The following STAG1 variants were observed in gnomAD, a reference collection of about 807,000 sequenced individuals.
STAG1 encodes the protein cohesin subunit SA-1.
Under a neutral mutation model 170.9 loss-of-function variants are expected in STAG1, and 26 were observed. That is an observed-to-expected ratio of 0.15 (90% CI 0.11 to 0.21). The LOEUF (loss-of-function observed/expected upper bound fraction) is 0.21, where lower values mean the gene tolerates loss of function less well. STAG1 is among the 10% of genes least tolerant of loss of function. The pLI is 1.00. For synonymous variants in STAG1, 514 were observed against 497.7 expected, an observed-to-expected ratio of 1.03 and a Z score of -0.44; for missense variants, 964 against 1,509.5, an observed-to-expected ratio of 0.64 and a Z score of 5.99.
intron 16 of STAG1, among the ~76,000 whole-genome samples, chr3:136,427,422 A>G (rs1020488478): frequency 2.2e-4 from 33 of 152,174 alleles, no homozygotes; most frequent in Non-Finnish European, 5.9e-5. Context: ...TGAATTGTGT[A>G]TCATAGTCAA....
At chr3:136,693,889 T>C (rs991517795) in intron 1 of STAG1, among the ~76,000 whole-genome samples, 7 of 152,154 alleles carry the variant, frequency 4.6e-5, no homozygotes, top group African/African-American at 1.7e-4. Context: ...GATATTTTTT[T>C]AGAGTGAGAC....
intron 6 of STAG1, among the ~76,000 whole-genome samples, chr3:136,526,186 GA>G (rs1216739218): frequency 6.6e-6 from 1 of 152,150 alleles, no homozygotes; most frequent in Non-Finnish European, 1.5e-5. Context: ...GTCTAATGTT[GA>G]CAGTGGGGTG....
At chr3:136,558,062 A>C (rs1477895423) in intron 5 of STAG1, among the ~76,000 whole-genome samples, 1 of 152,230 alleles carries the variant, frequency 6.6e-6, no homozygotes, top group Non-Finnish European at 1.5e-5. Context: ...AGAAAGCTGC[A>C]ATATACATAA....
chr3:136,688,229 A>G (rs545838857), intron 1 of STAG1, among the ~76,000 whole-genome samples: 52 of 152,252 alleles, frequency 3.4e-4, no homozygotes, highest in Non-Finnish European at 3.7e-4. Context: ...CGACATAGGG[A>G]CTGGCGACAG....
intron 13 of STAG1, among the ~76,000 whole-genome samples, chr3:136,463,871 A>T (rs1034292204): frequency 1.4e-5 from 2 of 144,820 alleles, no homozygotes; most frequent in South Asian, 4.2e-4. Context: ...TTATATATAC[A>T]TACATACATA....
At chr3:136,357,213 G>A (rs1936693710) in intron 28 of STAG1, among the ~76,000 whole-genome samples, 1 of 152,104 alleles carries the variant, frequency 6.6e-6, no homozygotes, top group South Asian at 2.1e-4. Context: ...CTCCCAAAGT[G>A]CTGAGATTAC....
chr3:136,453,478 C>G (rs1459216073), intron 13 of STAG1, among the ~76,000 whole-genome samples: 1 of 151,584 alleles, frequency 6.6e-6, no homozygotes, highest in South Asian at 2.1e-4. Flanking sequence ...GTAGTCCCAC[C>G]TACTCGGGAG....
At chr3:136,639,423 T>C (rs1940709211) in intron 1 of STAG1, among the ~76,000 whole-genome samples, 1 of 152,134 alleles carries the variant, frequency 6.6e-6, no homozygotes, top group Non-Finnish European at 1.5e-5. Flanking sequence ...TCAACCTCTC[T>C]CCAGTTAAAA....
chr3:136,424,322 A>G (rs2088048446), intron 16 of STAG1, among the ~76,000 whole-genome samples: 1 of 149,046 alleles, frequency 6.7e-6, no homozygotes, highest in Admixed American at 6.7e-5. Flanking sequence ...TTTTTGATGG[A>G]ACGATCTTTT....
intron 9 of STAG1, among the ~76,000 whole-genome samples, chr3:136,490,475 G>T (rs1290447831): frequency 6.6e-6 from 1 of 152,156 alleles, no homozygotes; most frequent in East Asian, 1.9e-4. Flanking sequence ...TACAGAGAAG[G>T]TGTATGGCTA....
rs777089548 is a variant in STAG1, at chr3:136,340,479, GAATTTCTC to G, written c.3672+4_3672+11del. Reference sequence around the variant, plus strand: ...TATTTTAACAAAAGAAAAATATAGTGAATTTCTCTACCAGATCAATAACCATGGTGTCC... The same window carrying G: ...TATTTTAACAAAAGAAAAATATAGTGTACCAGATCAATAACCATGGTGTCC... On this transcript the variant is annotated splice_donor_5th_base_variant and intron_variant, in intron 32 of 33. Transcript: ENST00000383202. 2.6e-4 allele frequency: 408 copies of G among 1,548,324 alleles called. 1 individual carries two copies. Among genetic ancestry groups the G allele is most frequent in the Non-Finnish European group, 1.3e-4 (144 of 1,120,066 alleles).
intron 6 of STAG1, among the ~76,000 whole-genome samples, chr3:136,530,348 C>G (rs542505488): frequency 6.2e-4 from 94 of 152,240 alleles, no homozygotes; most frequent in African/African-American, 2.1e-3. Context: ...TGGATTTAAA[C>G]TAGATCTTAA....
chr3:136,733,463 C>T (rs181139485), intron 1 of STAG1, among the ~76,000 whole-genome samples: 1 of 152,162 alleles, frequency 6.6e-6, no homozygotes, highest in East Asian at 1.9e-4. Flanking sequence ...GTTGTGCAGC[C>T]CACAACAGTG....
intron 1 of STAG1, among the ~76,000 whole-genome samples, chr3:136,747,368 AGAG>A (rs1934995911): frequency 6.6e-6 from 1 of 152,134 alleles, no homozygotes; most frequent in Admixed American, 6.5e-5. Flanking sequence ...CTGCCACTTA[AGAG>A]GAGTGTGATC....
At chr3:136,471,932 G>A (rs560817836) in intron 12 of STAG1, among the ~76,000 whole-genome samples, 1 of 152,142 alleles carries the variant, frequency 6.6e-6, no homozygotes, top group South Asian at 2.1e-4. Flanking sequence ...TGACCTTCTG[G>A]GCTCAAGCGA....
chr3:136,367,157 T>C (rs1044769354), intron 24 of STAG1, 75 bp from the exon 25 acceptor site: 37 of 1,237,488 alleles, frequency 3.0e-5, no homozygotes, highest in African/African-American at 1.5e-4. Flanking sequence ...ATCTGTATAA[T>C]TGAAAATTAG....
chr3:136,462,671 G>A (rs534895278), intron 13 of STAG1, among the ~76,000 whole-genome samples: 95 of 152,238 alleles, frequency 6.2e-4, no homozygotes, highest in African/African-American at 2.2e-3. Flanking sequence ...AGAAGATTTG[G>A]AAAGTTCCCA....
intron 21 of STAG1, among the ~76,000 whole-genome samples, chr3:136,404,548 T>C (rs2087423404): frequency 6.6e-6 from 1 of 152,176 alleles, no homozygotes; most frequent in Non-Finnish European, 1.5e-5. Context: ...TAAATTTCTA[T>C]GTGTTAAGCC....
chr3:136,438,269 T>C (rs188604862), intron 15 of STAG1, among the ~76,000 whole-genome samples: 43 of 145,512 alleles, frequency 3.0e-4, no homozygotes, highest in African/African-American at 1.0e-3. Flanking sequence ...AGATGGAGTC[T>C]CGCTCTATTG....
Sources: allele counts gnomAD v4.1 joint callset (sites outside exome capture counted in the v4.1 genomes callset), GRCh38; gene constraint gnomAD v4.1.1; transcripts MANE v1.5; gene names NCBI Gene and HGNC (gene_info 2026-07-23, HGNC 2026-07-21).